SOX6: variants seen among roughly 807,000 people sequenced by gnomAD.
SOX6 encodes SRY-box transcription factor 6, also known as transcription factor SOX-6.
A neutral mutation model predicts 97.8 loss-of-function variants in SOX6; 11 were observed. The ratio of observed to expected loss-of-function variants is 0.11; its 90% CI spans 0.07 to 0.19. The LOEUF (loss-of-function observed/expected upper bound fraction) is 0.19, where lower values mean the gene tolerates loss of function less well. Among genes scored for constraint, SOX6 ranks in the 10% least tolerant of loss-of-function variants. SOX6 has a pLI of 1.00. For synonymous variants in SOX6, 360 were observed against 371.4 expected (o/e 0.97, Z 0.35); for missense variants, 810 against 1,039.5 (o/e 0.78, Z 3.04).
intron 6 of SOX6, among the ~76,000 whole-genome samples, chr11:16,153,467 G>A (rs1850512951): frequency 6.6e-6 from 1 of 152,034 alleles, no homozygotes; most frequent in African/African-American, 2.4e-5. Context: ...TCAAAAACAG[G>A]GTTAACTACC....
intron 3 of SOX6, among the ~76,000 whole-genome samples, chr11:16,627,649 T>C (rs1156999771): frequency 1.3e-5 from 2 of 152,222 alleles, no homozygotes; most frequent in Non-Finnish European, 2.9e-5. Flanking sequence ...GGGTTATTTG[T>C]GTTTTCCTTG....
intron 12 of SOX6, among the ~76,000 whole-genome samples, chr11:16,033,588 C>T (rs766313863): frequency 1.3e-5 from 2 of 151,914 alleles, no homozygotes; most frequent in Non-Finnish European, 2.9e-5. Context: ...TCAGAGAACT[C>T]GGCCAGGCGC....
chr11:16,132,444 A>AGAAAGAAAGAAAG (rs1554934020), intron 6 of SOX6, among the ~76,000 whole-genome samples: 2 of 27,240 alleles, frequency 7.3e-5, no homozygotes, highest in Non-Finnish European at 1.4e-4. Context: ...AAAGAAAGAA[A>AGAAAGAAAGAAAG]AAAGAAAGAA....
At chr11:16,495,201 C>T (rs541520375) in intron 4 of SOX6, among the ~76,000 whole-genome samples, 7 of 152,274 alleles carry the variant, frequency 4.6e-5, no homozygotes, top group African/African-American at 1.7e-4. Context: ...ATAGCCACTA[C>T]CTGGGGCCAA....
intron 4 of SOX6, among the ~76,000 whole-genome samples, chr11:16,592,075 A>G (rs980070950): frequency 6.6e-6 from 1 of 152,090 alleles, no homozygotes; most frequent in African/African-American, 2.4e-5. Context: ...TACAATATGT[A>G]CAAGTTTATA....
At chr11:16,037,511 C>T (rs1260623102) in intron 12 of SOX6, among the ~76,000 whole-genome samples, 1 of 152,170 alleles carries the variant, frequency 6.6e-6, no homozygotes, top group African/African-American at 2.4e-5. Flanking sequence ...CTTGGGAATG[C>T]TGCAAGAGAA....
intron 9 of SOX6, among the ~76,000 whole-genome samples, chr11:16,080,705 G>T (rs1848454643): frequency 6.6e-6 from 1 of 152,108 alleles, no homozygotes; most frequent in Admixed American, 6.6e-5. Flanking sequence ...TCACAGCACG[G>T]ATGGGAAGAA....
At chr11:16,352,927 A>T (rs186641439) in intron 1 of SOX6, among the ~76,000 whole-genome samples, 1 of 152,226 alleles carries the variant, frequency 6.6e-6, no homozygotes, top group East Asian at 1.9e-4. Context: ...AAGTAGTTAA[A>T]GCTACTGACA....
intron 3 of SOX6, among the ~76,000 whole-genome samples, chr11:16,240,275 AGTGTGTGTGT>A (rs4031660): frequency 2.2e-4 from 28 of 129,152 alleles, no homozygotes; most frequent in Admixed American, 1.2e-3. Flanking sequence ...TAGATAATAT[AGTGTGTGTGT>A]GTGTGTGTGT....
chr11:16,603,902 C>T (rs1848301174), intron 4 of SOX6, among the ~76,000 whole-genome samples: 1 of 152,212 alleles, frequency 6.6e-6, no homozygotes, highest in Non-Finnish European at 1.5e-5. Flanking sequence ...CTGGCAGGTT[C>T]GGCCCTCCCT....
At chr11:16,042,027 T>C (rs757195945) in intron 12 of SOX6, among the ~76,000 whole-genome samples, 49 of 152,206 alleles carry the variant, frequency 3.2e-4, no homozygotes, top group Non-Finnish European at 2.1e-4. Flanking sequence ...TAATTGAGCA[T>C]CTTCTGAGCA....
At chr11:16,698,485 G>C (rs1371878054) in intron 3 of SOX6, among the ~76,000 whole-genome samples, 2 of 152,138 alleles carry the variant, frequency 1.3e-5, no homozygotes, top group Admixed American at 6.6e-5. Flanking sequence ...CAGCAATAAG[G>C]CTGTTTTGGT....
At chr11:16,466,930 C>CAAAAA (rs764424447) in intron 1 of SOX6, among the ~76,000 whole-genome samples, 76 of 41,482 alleles carry the variant, frequency 1.8e-3, no homozygotes, top group Admixed American at 2.1e-3. Flanking sequence ...GACTCCGTCT[C>CAAAAA]AAAAAAAAAA....
intron 4 of SOX6, among the ~76,000 whole-genome samples, chr11:16,199,926 A>G (rs1018791915): frequency 1.3e-5 from 2 of 152,200 alleles, no homozygotes; most frequent in African/African-American, 4.8e-5. Context: ...GAAAAATTTC[A>G]CAAGAATTTA....
intron 2 of SOX6, among the ~76,000 whole-genome samples, chr11:16,736,145 A>AT (rs1848389861): frequency 6.6e-6 from 1 of 152,304 alleles, no homozygotes; most frequent in South Asian, 2.1e-4. Flanking sequence ...ATTCAGAAAC[A>AT]TTTATTAACT....
chr11:16,370,607 A>T (rs1857474197), intron 1 of SOX6, among the ~76,000 whole-genome samples: 1 of 151,952 alleles, frequency 6.6e-6, no homozygotes, highest in Non-Finnish European at 1.5e-5. Context: ...CCTACTCCAT[A>T]TCTCCATTTG....
At chr11:16,048,090 A>C (rs1168676871) in intron 11 of SOX6, among the ~76,000 whole-genome samples, 1 of 152,120 alleles carries the variant, frequency 6.6e-6, no homozygotes, top group Non-Finnish European at 1.5e-5. Flanking sequence ...TCTGTCCCTC[A>C]TGATACTCAG....
intron 12 of SOX6, among the ~76,000 whole-genome samples, chr11:16,039,103 A>G (rs1422685709): frequency 6.6e-6 from 1 of 152,080 alleles, no homozygotes; most frequent in Non-Finnish European, 1.5e-5. Flanking sequence ...TATGACAAGA[A>G]TTTTTGTGCA....
At chr11:16,531,891 A>G (rs546241730) in intron 4 of SOX6, among the ~76,000 whole-genome samples, 17 of 152,066 alleles carry the variant, frequency 1.1e-4, no homozygotes, top group African/African-American at 3.8e-4. Context: ...TTTGTTTCAA[A>G]TATTTTTCCT....
Sources: gnomAD v4.1 joint callset for allele counts (sites outside exome capture counted in the v4.1 genomes callset) on GRCh38, gnomAD v4.1.1 for gene constraint, MANE v1.5 for transcripts, NCBI Gene and HGNC (gene_info 2026-07-23, HGNC 2026-07-21) for gene names.